Variants in DLGAP1 observed in about 807,000 individuals in gnomAD.
DLGAP1 encodes disks large-associated protein 1.
In DLGAP1, 11 loss-of-function variants were observed where a neutral mutation model predicts 90.8. The observed-to-expected ratio is 0.12, with a 90% CI of 0.08 to 0.20. DLGAP1 has a LOEUF of 0.20. DLGAP1 is among the 10% of genes least tolerant of loss of function. The pLI is 1.00. For synonymous variants in DLGAP1, 558 were observed against 540.7 expected (o/e 1.03, Z -0.44); for missense variants, 1,050 against 1,333.8 (o/e 0.79, Z 3.31).
chr18:3,803,528 G>A (rs561947551), intron 5 of DLGAP1, among the ~76,000 whole-genome samples: 1 of 152,300 alleles, frequency 6.6e-6, no homozygotes, highest in African/African-American at 2.4e-5. Context: ...TGTTCCGAGA[G>A]CTCTCAGCTC....
intron 7 of DLGAP1, among the ~76,000 whole-genome samples, chr18:3,631,356 C>G (rs902657641): frequency 6.6e-6 from 1 of 152,168 alleles, no homozygotes; most frequent in African/African-American, 2.4e-5. Context: ...AATATCTAGA[C>G]TTAATACCCT....
chr18:4,299,086 A>AG (rs1491472344), intron 1 of DLGAP1, among the ~76,000 whole-genome samples: 1 of 61,536 alleles, frequency 1.6e-5, no homozygotes, highest in Admixed American at 1.5e-4. Flanking sequence ...GTCTCAAGAC[A>AG]AAAAAAAAAA....
At chr18:3,805,411 T>C (rs759961096) in intron 5 of DLGAP1, among the ~76,000 whole-genome samples, 4 of 152,136 alleles carry the variant, frequency 2.6e-5, no homozygotes, top group Non-Finnish European at 4.4e-5. Context: ...TAGAAAGTCT[T>C]AGAGAAGGAG....
rs140249234 is a variant in DLGAP1 at position 4,205,742 on chromosome 18, C to T, written c.-266-54455G>A. On this transcript the variant is annotated intron_variant, in intron 1 of 12. Coordinates refer to ENST00000315677, the MANE Select transcript of DLGAP1 (RefSeq NM_004746.4). ...TCAAGTGCTCAATAGCCACATGTGA[C>T]TCATGGCTATCATAATGGATAACAC... 5.8e-4 allele frequency among the ~76,000 whole-genome samples: 89 copies of T among 152,374 alleles called. 1 individual carries two copies. The highest frequency in any genetic ancestry group is 5.6e-3 in the South Asian group (27 of 4,828).
At chr18:3,501,966 A>C (rs1394139337) in intron 12 of DLGAP1, among the ~76,000 whole-genome samples, 1 of 151,952 alleles carries the variant, frequency 6.6e-6, no homozygotes, top group African/African-American at 2.4e-5. Flanking sequence ...AAAAAAAAAA[A>C]AAACCCAACA....
chr18:3,723,806 T>C (rs894940418), intron 7 of DLGAP1, among the ~76,000 whole-genome samples: 2 of 152,160 alleles, frequency 1.3e-5, no homozygotes, highest in East Asian at 3.8e-4. Context: ...GGTAGGAAGA[T>C]GGAAGAATGT....
chr18:3,717,114 T>C (rs1439943067), intron 7 of DLGAP1, among the ~76,000 whole-genome samples: 4 of 150,098 alleles, frequency 2.7e-5, no homozygotes, highest in African/African-American at 9.8e-5. Flanking sequence ...CTTTATACTA[T>C]CTTGTAAGCC....
chr18:4,110,014 C>CA (rs1287118460), intron 2 of DLGAP1, among the ~76,000 whole-genome samples: 7 of 119,812 alleles, frequency 5.8e-5, no homozygotes, highest in Non-Finnish European at 5.1e-5. Flanking sequence ...CTCTCGTCTC[C>CA]AAAAAAAAAG....
At chr18:3,730,169 C>T (rs2062369147) in intron 6 of DLGAP1, among the ~76,000 whole-genome samples, 1 of 152,180 alleles carries the variant, frequency 6.6e-6, no homozygotes, top group African/African-American at 2.4e-5. Flanking sequence ...AGGAGGATCA[C>T]TTCAGCCCAG....
intron 4 of DLGAP1, among the ~76,000 whole-genome samples, chr18:3,850,235 A>G (rs989551157): frequency 1.3e-5 from 2 of 152,126 alleles, no homozygotes; most frequent in African/African-American, 4.8e-5. Context: ...TACTAAAAAT[A>G]CAAAAATTAG....
chr18:3,918,836 A>C (rs1224835820), intron 3 of DLGAP1, among the ~76,000 whole-genome samples: 3 of 152,196 alleles, frequency 2.0e-5, no homozygotes, highest in South Asian at 2.1e-4. Flanking sequence ...GGCAGATGGA[A>C]GAAATATTGT....
chr18:4,290,362 T>C (rs2079815533), intron 1 of DLGAP1, among the ~76,000 whole-genome samples: 1 of 152,226 alleles, frequency 6.6e-6, no homozygotes, highest in African/African-American at 2.4e-5. Context: ...AAACAGAGAA[T>C]GGAACATTCT....
intron 1 of DLGAP1, among the ~76,000 whole-genome samples, chr18:4,181,104 G>C (rs575698856): frequency 2.0e-5 from 3 of 152,248 alleles, no homozygotes; most frequent in African/African-American, 7.2e-5. Context: ...GGTGATTTAC[G>C]TCTAGGATTT....
intron 10 of DLGAP1, among the ~76,000 whole-genome samples, chr18:3,521,961 G>A (rs1431813946): frequency 6.6e-6 from 1 of 152,130 alleles, no homozygotes; most frequent in Non-Finnish European, 1.5e-5. Context: ...TATAGTCTTA[G>A]CTGGGGTATT....
intron 1 of DLGAP1, among the ~76,000 whole-genome samples, chr18:4,230,021 A>C (rs1406465655): frequency 6.6e-6 from 1 of 152,106 alleles, no homozygotes; most frequent in African/African-American, 2.4e-5. Flanking sequence ...CAAATAACAA[A>C]CGTATATGAA....
intron 1 of DLGAP1, among the ~76,000 whole-genome samples, chr18:4,247,500 G>C (rs2078677791): frequency 6.6e-6 from 1 of 152,154 alleles, no homozygotes; most frequent in Non-Finnish European, 1.5e-5. Flanking sequence ...CCCAGGCCGG[G>C]TGCAGTGGCT....
intron 1 of DLGAP1, among the ~76,000 whole-genome samples, chr18:4,427,064 A>G (rs1235628928): frequency 1.3e-5 from 2 of 152,258 alleles, no homozygotes; most frequent in Non-Finnish European, 2.9e-5. Context: ...TTGGTGTGAT[A>G]TATGAAGATG....
intron 1 of DLGAP1, among the ~76,000 whole-genome samples, chr18:4,185,416 C>T (rs1046340540): frequency 6.6e-6 from 1 of 151,992 alleles, no homozygotes; most frequent in African/African-American, 2.4e-5. Context: ...CTCCAACCCT[C>T]GACTCCCAAG....
intron 7 of DLGAP1, among the ~76,000 whole-genome samples, chr18:3,696,702 C>G (rs1474718300): frequency 6.6e-6 from 1 of 152,158 alleles, no homozygotes; most frequent in Non-Finnish European, 1.5e-5. Context: ...CAGGATGATG[C>G]TGGCCTCATA....
Sources: allele counts gnomAD v4.1 joint callset (sites outside exome capture counted in the v4.1 genomes callset), GRCh38; gene constraint gnomAD v4.1.1; transcripts MANE v1.5; gene names NCBI Gene and HGNC (gene_info 2026-07-23, HGNC 2026-07-21).